HUWE1: variants seen among roughly 807,000 people sequenced by gnomAD.
The protein encoded by HUWE1 is E3 ubiquitin-protein ligase HUWE1.
HUWE1 carries 18 observed loss-of-function variants against 299.4 expected under a neutral mutation model. The observed-to-expected ratio is 0.06, with a 90% CI of 0.04 to 0.09. The LOEUF (loss-of-function observed/expected upper bound fraction) is 0.09, where lower values mean the gene tolerates loss of function less well. Ranked by LOEUF, HUWE1 falls within the 10% of genes least tolerant of loss-of-function variation. The pLI is 1.00. For synonymous variants in HUWE1, 1,317 were observed against 1,286.1 expected (o/e 1.02, Z -0.51); for missense variants, 1,832 against 3,462.3 (o/e 0.53, Z 11.82).
intron 47 of HUWE1, among the ~76,000 whole-genome samples, chrX:53,570,202 A>C (rs1218465453): frequency 5.8e-5 from 6 of 103,368 alleles, no homozygotes; most frequent in African/African-American, 9.1e-5. Context: ...ATCGCACACC[A>C]CAGTCTCAAA....
At chrX:53,629,848 AG>A (rs1477442457) in intron 12 of HUWE1, among the ~76,000 whole-genome samples, 1 of 112,431 alleles carries the variant, frequency 8.9e-6, no homozygotes, top group Non-Finnish European at 1.9e-5. Context: ...ATTAGTCTTG[AG>A]AAAGAATTTT....
intron 6 of HUWE1, among the ~76,000 whole-genome samples, chrX:53,646,750 G>A (rs782593751): frequency 2.4e-4 from 27 of 111,838 alleles, no homozygotes; most frequent in Non-Finnish European, 4.3e-4. Flanking sequence ...TACTGAAGAC[G>A]TAGGAAAACA....
intron 80 of HUWE1, chrX:53,535,919 G>A: frequency 2.9e-6 from 1 of 348,438 alleles, no homozygotes; most frequent in South Asian, 4.4e-5. Flanking sequence ...ATTATGTACT[G>A]GAGTTTTTTT....
At chrX:53,684,234 G>A (rs1182769994) in intron 2 of HUWE1, 2 of 191,415 alleles carry the variant, frequency 1.0e-5, no homozygotes, top group Admixed American at 7.6e-5. Flanking sequence ...CTTTAGCCTC[G>A]GCGAGACCTT....
rs2070206297 is a variant in HUWE1, at chrX:53,682,355, T to C, written c.-162-2169A>G. Among the ~76,000 whole-genome samples the C allele has an allele frequency of 4.5e-5, 5 of 112,006 alleles. No individual in the cohort carries two copies. The Admixed American group carries it at 4.7e-4, about 11-fold the overall frequency. ...ACACACCCAAAACACACACTATTAA[T>C]TTCACCATACCAGACCGCCGCCTAT... On this transcript the variant is annotated intron_variant, in intron 2 of 83. Transcript: ENST00000262854.
chrX:53,605,844 G>A (rs1020768991), intron 25 of HUWE1, among the ~76,000 whole-genome samples: 5 of 111,708 alleles, frequency 4.5e-5, no homozygotes, highest in African/African-American at 1.6e-4. Flanking sequence ...ATAGAATAGA[G>A]AGCCCAGAAT....
chrX:53,550,098 T>C (rs1431043048), intron 66 of HUWE1, among the ~76,000 whole-genome samples: 2 of 111,059 alleles, frequency 1.8e-5, no homozygotes, highest in Non-Finnish European at 3.8e-5. Flanking sequence ...TCAAACAGGT[T>C]AAGTGACTTG....
chrX:53,629,772 G>A (rs1418215999), intron 12 of HUWE1, among the ~76,000 whole-genome samples, 156 bp from the exon 13 acceptor site: 1 of 111,988 alleles, frequency 8.9e-6, no homozygotes, highest in African/African-American at 3.2e-5. Flanking sequence ...CTGAAGGACT[G>A]GATCAAATAC....
At chrX:53,639,120 G>A (rs1236729907) in intron 7 of HUWE1, among the ~76,000 whole-genome samples, 1 of 112,143 alleles carries the variant, frequency 8.9e-6, no homozygotes, top group Non-Finnish European at 1.9e-5. Context: ...CTTTTAAGAT[G>A]ACAAAGGACT....
rs1557005508 is a variant in HUWE1, at chrX:53,614,525, A to C, written c.2261+9T>G. 5.9e-6 allele frequency: 7 copies of C among 1,181,893 alleles called. No homozygotes were observed. The highest frequency in any genetic ancestry group is 5.7e-6 in the Non-Finnish European group (5 of 869,670). On this transcript the variant is annotated intron_variant, in intron 23 of 83. Transcript: ENST00000262854. The stretch of plus-strand genomic sequence containing the variant: ...ATATGGCTAGATGATCTGTTCTGTA[A>C]ACACTTACTGCTGATTAGGCTCAGT...
chrX:53,547,478 G>A (rs1249605136), intron 68 of HUWE1, among the ~76,000 whole-genome samples, 195 bp downstream of exon 68: 3 of 111,782 alleles, frequency 2.7e-5, no homozygotes, highest in Non-Finnish European at 5.6e-5. Flanking sequence ...GAGAGACACA[G>A]AGAGACGGGG....
intron 19 of HUWE1, among the ~76,000 whole-genome samples, chrX:53,622,499 T>C (rs969672817): frequency 4.5e-5 from 5 of 111,507 alleles, no homozygotes; most frequent in Admixed American, 1.9e-4. Context: ...ATCTTTGGTG[T>C]AACGGGCACA....
intron 43 of HUWE1, among the ~76,000 whole-genome samples, chrX:53,578,592 C>T (rs2063354544): frequency 2.1e-5 from 2 of 96,139 alleles, no homozygotes; most frequent in South Asian, 5.2e-4. Context: ...GGGGGTCAGC[C>T]CCCTGCCCGG....
At chrX:53,567,268 T>C (rs1415505527) in intron 49 of HUWE1, among the ~76,000 whole-genome samples, 1 of 111,655 alleles carries the variant, frequency 9.0e-6, no homozygotes, top group Non-Finnish European at 1.9e-5. Context: ...ACACATGGTG[T>C]TCATTACAGT....
At position 53,536,484 on chromosome X, in the gene HUWE1, G is replaced by A; in HGVS notation, c.12321C>T (p.Phe4107=). Residue 4107 remains phenylalanine (F), a synonymous_variant, in exon 79 of 84, where the codon TTC becomes TTT. Coordinates refer to ENST00000262854, the MANE Select transcript of HUWE1 (RefSeq NM_031407.7). ...TGGCCACAATGCGTCCGACAAACTTGAAGTAGCTGAGGTGGTTGGGGTTGC... is the reference window on the plus strand; with the variant it reads ...TGGCCACAATGCGTCCGACAAACTTAAAGTAGCTGAGGTGGTTGGGGTTGC... ...SHCNPNHLSY[F]KFVGRIVAKA... 8.3e-7 allele frequency: 1 copy of A among 1,211,296 alleles called. No homozygotes were observed. Among genetic ancestry groups the A allele is most frequent in the Non-Finnish European group, 1.1e-6 (1 of 895,171 alleles).
chrX:53,662,894 C>T (rs1422006836), intron 3 of HUWE1, among the ~76,000 whole-genome samples: 2 of 111,063 alleles, frequency 1.8e-5, no homozygotes, highest in African/African-American at 6.6e-5. Context: ...ACGAGACCAG[C>T]CTGGGCAACA....
rs1332112800 is a variant in HUWE1, at chrX:53,543,771, C to G, written c.11379+70G>C. ...GCATACAAGGTAAAGGCAATGAAACCCCACTGATGACATGGTGGGGGGATG... is the reference window on the plus strand; with the variant it reads ...GCATACAAGGTAAAGGCAATGAAACGCCACTGATGACATGGTGGGGGGATG... On this transcript the variant is annotated intron_variant, in intron 73 of 83. Coordinates refer to ENST00000262854, the MANE Select transcript of HUWE1 (RefSeq NM_031407.7). 1.2e-5 allele frequency: 15 copies of G among 1,203,939 alleles called. No homozygotes were observed. In the South Asian group the frequency reaches 2.7e-4, roughly 21 times the overall value.
chrX:53,632,135 A>C (rs1340965482), intron 9 of HUWE1: 1 of 327,081 alleles, frequency 3.1e-6, no homozygotes, highest in Admixed American at 4.3e-5. Context: ...TATCCACAAT[A>C]CATAAAGACT....
At chrX:53,645,103 G>T (rs374884967) in intron 7 of HUWE1, among the ~76,000 whole-genome samples, 3 of 112,191 alleles carry the variant, frequency 2.7e-5, no homozygotes, top group African/African-American at 6.5e-5. Context: ...ATTTTGTTTG[G>T]TGAGCAGAGA....
Sources: allele counts gnomAD v4.1 joint callset (sites outside exome capture counted in the v4.1 genomes callset), GRCh38; gene constraint gnomAD v4.1.1; transcripts MANE v1.5; gene names NCBI Gene and HGNC (gene_info 2026-07-23, HGNC 2026-07-21).